Variants in ST8SIA4 observed in about 807,000 individuals in gnomAD.
ST8SIA4 encodes ST8 alpha-N-acetyl-neuraminide alpha-2,8-sialyltransferase 4.
ST8SIA4 carries 15 observed loss-of-function variants against 33.9 expected under a neutral mutation model. That is an observed-to-expected ratio of 0.44 (90% CI 0.30 to 0.68). ST8SIA4 has a LOEUF of 0.68. Among genes scored for constraint, ST8SIA4 ranks in the 30% least tolerant of loss-of-function variants. ST8SIA4 has a pLI of 0.10. For missense variants in ST8SIA4, 321 were observed against 428.0 expected (o/e 0.75, Z 2.21); for synonymous variants, 171 against 151.2 (o/e 1.13, Z -0.96).
intron 4 of ST8SIA4, among the ~76,000 whole-genome samples, chr5:100,842,846 A>T (rs1184713174): frequency 1.3e-5 from 2 of 151,908 alleles, no homozygotes; most frequent in Admixed American, 6.6e-5. Flanking sequence ...AATAGTGTAA[A>T]GTAGAATCTG....
chr5:100,876,867 C>T (rs1752318677), intron 3 of ST8SIA4, among the ~76,000 whole-genome samples: 1 of 151,610 alleles, frequency 6.6e-6, no homozygotes, highest in African/African-American at 2.4e-5. Context: ...TTTTCTGTTT[C>T]TTTTTTTAAC....
chr5:100,877,790 T>C (rs936732714), intron 3 of ST8SIA4, among the ~76,000 whole-genome samples: 1 of 152,216 alleles, frequency 6.6e-6, no homozygotes, highest in African/African-American at 2.4e-5. Flanking sequence ...TCTTTGATTT[T>C]TGTTTCATAT....
At chr5:100,899,084 A>G (rs1000091414) in intron 1 of ST8SIA4, among the ~76,000 whole-genome samples, 19 of 152,216 alleles carry the variant, frequency 1.2e-4, no homozygotes, top group Non-Finnish European at 1.2e-4. Context: ...AAGACATATG[A>G]TTAATTTCAC....
intron 3 of ST8SIA4, among the ~76,000 whole-genome samples, chr5:100,872,014 T>A (rs1221795952): frequency 1.3e-5 from 2 of 152,116 alleles, no homozygotes; most frequent in African/African-American, 2.4e-5. Context: ...TCCTCTTATG[T>A]ACTAATTTTG....
At chr5:100,866,824 CA>C (rs1434770406) in intron 3 of ST8SIA4, among the ~76,000 whole-genome samples, 7 of 152,022 alleles carry the variant, frequency 4.6e-5, no homozygotes, top group African/African-American at 1.7e-4. Context: ...TCTGATTCTA[CA>C]CTCAAACTTT....
At chr5:100,892,509 G>A (rs1325197327) in intron 2 of ST8SIA4, among the ~76,000 whole-genome samples, 1 of 152,104 alleles carries the variant, frequency 6.6e-6, no homozygotes, top group Middle Eastern at 3.4e-3. Context: ...CATATGAACC[G>A]ATTCTTGGTG....
intron 3 of ST8SIA4, among the ~76,000 whole-genome samples, chr5:100,882,347 T>C (rs1752444596): frequency 6.6e-6 from 1 of 152,156 alleles, no homozygotes; most frequent in Admixed American, 6.5e-5. Context: ...AGAGATGATT[T>C]AGGGCATCTG....
intron 4 of ST8SIA4, among the ~76,000 whole-genome samples, chr5:100,841,582 C>T (rs1284707286): frequency 6.6e-6 from 1 of 151,838 alleles, no homozygotes; most frequent in Non-Finnish European, 1.5e-5. Flanking sequence ...CCCTCCCATC[C>T]TGTGGAGTGC....
intron 4 of ST8SIA4, among the ~76,000 whole-genome samples, chr5:100,845,882 C>A (rs980104363): frequency 7.9e-5 from 12 of 151,882 alleles, no homozygotes; most frequent in African/African-American, 2.9e-4. Flanking sequence ...ATCTAGGGTA[C>A]TTTTCTCAGG....
At chr5:100,874,368 CT>C (rs1752261044) in intron 3 of ST8SIA4, among the ~76,000 whole-genome samples, 1 of 152,024 alleles carries the variant, frequency 6.6e-6, no homozygotes, top group Non-Finnish European at 1.5e-5. Context: ...AATTAGAAAA[CT>C]AAATATAGAA....
At chr5:100,872,986 CTG>C (rs1752230481) in intron 3 of ST8SIA4, among the ~76,000 whole-genome samples, 1 of 151,910 alleles carries the variant, frequency 6.6e-6, no homozygotes, top group Non-Finnish European at 1.5e-5. Context: ...CACCTGGACA[CTG>C]TAATCAAATG....
intron 3 of ST8SIA4, among the ~76,000 whole-genome samples, chr5:100,857,615 A>T (rs1013880387): frequency 6.6e-6 from 1 of 152,012 alleles, no homozygotes; most frequent in African/African-American, 2.4e-5. Flanking sequence ...ACATTATGAA[A>T]GTTCCTTACA....
intron 1 of ST8SIA4, among the ~76,000 whole-genome samples, chr5:100,901,296 G>T (rs1416937056): frequency 6.6e-6 from 1 of 152,148 alleles, no homozygotes; most frequent in African/African-American, 2.4e-5. Flanking sequence ...CCGAACCCTC[G>T]GAGTCCTAGT....
rs773074391 is a variant in ST8SIA4, at chr5:100,852,114, C to CTTTTTTT, written c.797+3982_797+3988dup. 2.5e-3 allele frequency among the ~76,000 whole-genome samples: 206 copies of CTTTTTTT among 83,448 alleles called. 5 individuals carry two copies. The highest frequency in any genetic ancestry group is 0.013 in the Middle Eastern group (1 of 76). The allele number at this position is 83,448 out of a possible 152,430, so 54.7% of individuals were successfully genotyped here. ...TTACTATCTTATTTGCTCCACTCTT[C>CTTTTTTT]TTTTTTTTTTTTTTTTTTTTTTTTG... is the stretch of plus-strand genomic sequence containing the variant. On this transcript the variant is annotated intron_variant, in intron 4 of 4. Transcript: ENST00000231461.
intron 3 of ST8SIA4, among the ~76,000 whole-genome samples, chr5:100,858,773 A>G (rs1375813659): frequency 6.6e-6 from 1 of 152,138 alleles, no homozygotes; most frequent in Non-Finnish European, 1.5e-5. Context: ...GGTGCTAACT[A>G]AAGGAGCAAT....
At chr5:100,847,579 T>A (rs1751595595) in intron 4 of ST8SIA4, among the ~76,000 whole-genome samples, 1 of 152,114 alleles carries the variant, frequency 6.6e-6, no homozygotes, top group Non-Finnish European at 1.5e-5. Flanking sequence ...TTTGTTAGTC[T>A]TAATGCTGAA....
intron 1 of ST8SIA4, among the ~76,000 whole-genome samples, chr5:100,902,076 A>G (rs1752930919): frequency 6.6e-6 from 1 of 152,190 alleles, no homozygotes; most frequent in Non-Finnish European, 1.5e-5. Context: ...TCAGCAACAC[A>G]AAGTTGCACC....
intron 3 of ST8SIA4, among the ~76,000 whole-genome samples, chr5:100,870,154 T>C (rs946873073): frequency 5.9e-5 from 9 of 152,202 alleles, no homozygotes; most frequent in Admixed American, 3.9e-4. Flanking sequence ...GCTTCATCCA[T>C]GTCCCTACAA....
chr5:100,902,773 A>G (rs1752949361), intron 1 of ST8SIA4, 70 bp downstream of exon 1: 2 of 1,281,590 alleles, frequency 1.6e-6, no homozygotes, highest in Non-Finnish European at 2.3e-6. Context: ...CCATCACTCT[A>G]CCCTCTATAT....
Sources: gnomAD v4.1 joint callset for allele counts (sites outside exome capture counted in the v4.1 genomes callset) on GRCh38, gnomAD v4.1.1 for gene constraint, MANE v1.5 for transcripts, NCBI Gene and HGNC (gene_info 2026-07-23, HGNC 2026-07-21) for gene names.